The following TEX2 variants were observed in gnomAD, a reference collection of about 807,000 sequenced individuals.
The protein encoded by TEX2 is testis-expressed protein 2.
In TEX2, 53 loss-of-function variants were observed where a neutral mutation model predicts 106.9. The observed-to-expected ratio is 0.50, with a 90% CI of 0.40 to 0.62. The LOEUF (loss-of-function observed/expected upper bound fraction) is 0.62, where lower values mean the gene tolerates loss of function less well. Ranked by LOEUF, TEX2 falls within the 20% of genes least tolerant of loss-of-function variation. The pLI, the probability that TEX2 is intolerant of heterozygous loss-of-function variation, is 0.00. For synonymous variants in TEX2, 523 were observed against 534.8 expected (o/e 0.98, Z 0.30); for missense variants, 1,207 against 1,379.0 (o/e 0.88, Z 1.98).
At chr17:64,151,975 A>G (rs1484656569) in intron 10 of TEX2, among the ~76,000 whole-genome samples, 1 of 152,140 alleles carries the variant, frequency 6.6e-6, no homozygotes, top group African/African-American at 2.4e-5. Flanking sequence ...TATTACTTTA[A>G]AAAAGTATAA....
intron 1 of TEX2, among the ~76,000 whole-genome samples, chr17:64,220,318 G>A (rs1302185597): frequency 2.6e-5 from 4 of 152,110 alleles, no homozygotes; most frequent in Non-Finnish European, 4.4e-5. Flanking sequence ...TGATGAAAAC[G>A]TCAAAAGCAA....
chr17:64,159,645 G>C (rs2030794365), intron 8 of TEX2, among the ~76,000 whole-genome samples: 1 of 152,166 alleles, frequency 6.6e-6, no homozygotes. Flanking sequence ...ACAAGACTCA[G>C]AAGTTACAGG....
At chr17:64,233,450 G>A (rs1297788919) in intron 1 of TEX2, among the ~76,000 whole-genome samples, 2 of 152,184 alleles carry the variant, frequency 1.3e-5, no homozygotes, top group Admixed American at 1.3e-4. Context: ...GCAGGCGCCT[G>A]TAATCCCAGC....
At chr17:64,171,053 G>T in intron 7 of TEX2, 47 bp downstream of exon 7, 1 of 1,475,190 alleles carries the variant, frequency 6.8e-7, no homozygotes, top group Non-Finnish European at 9.5e-7. Context: ...TGAATCTGCA[G>T]CAAAGGATAT....
At chr17:64,235,267 C>T (rs896276281) in intron 1 of TEX2, among the ~76,000 whole-genome samples, 4 of 152,228 alleles carry the variant, frequency 2.6e-5, no homozygotes, top group Admixed American at 6.5e-5. Context: ...TACTAACTAG[C>T]AGAGCTAGGA....
Position 64,213,416 on chromosome 17 carries a change from G to A in TEX2, c.802C>T (p.Leu268=), listed in dbSNP as rs782795146. The A allele has an allele frequency of 6.2e-7, 1 of 1,614,138 alleles. No individual in the cohort carries two copies. Among genetic ancestry groups the A allele is most frequent in the South Asian group, 1.1e-5 (1 of 91,080 alleles). ...GAACGAGTATCAGAGGGAGAAGTCA[G>A]TGGGGAAGAAGGTGCAGTTTTGGAA... The part of the protein sequence containing the change: ...GDSKTAPSSP[L]TSPSDTRSFF... Residue 268 remains leucine, a synonymous_variant, in exon 2 of 12, where the codon CTG becomes TTG. Transcript: ENST00000584379. This position sits in a 1 kb window ranked among gnomAD's most constrained non-coding sequence, Gnocchi z 4.4.
At position 64,148,832 on chromosome 17, in the gene TEX2, G is replaced by C. The variant is rs769933768; in HGVS notation, c.*137C>G. 312 of 1,070,350 alleles carry C rather than the reference G, an allele frequency of 2.9e-4. No homozygotes were observed. The highest frequency in any genetic ancestry group is 3.9e-4 in the Admixed American group (15 of 38,902). 66.3% of individuals were successfully genotyped at this position (1,070,350 alleles called of 1,614,324 possible). Reference sequence around the variant, plus strand: ...GACACCTCACAGTGGAATGGGCACTGGCAGGCAGAGGGCAGAAGCAGTCCT... The same window carrying C: ...GACACCTCACAGTGGAATGGGCACTCGCAGGCAGAGGGCAGAAGCAGTCCT... On this transcript the variant is annotated 3_prime_UTR_variant, in exon 12 of 12. Coordinates refer to ENST00000584379, the MANE Select transcript of TEX2 (RefSeq NM_001288732.2).
chr17:64,210,768 C>T (rs963782450), intron 2 of TEX2, among the ~76,000 whole-genome samples: 7 of 149,572 alleles, frequency 4.7e-5, no homozygotes, highest in African/African-American at 1.7e-4. Flanking sequence ...ATTTGAAAAG[C>T]TAAAGATTAA....
Position 64,195,946 on chromosome 17 carries a change from C to G in TEX2, c.1645-851G>C, listed in dbSNP as rs149250752. 1.4e-4 allele frequency among the ~76,000 whole-genome samples: 21 copies of G among 152,344 alleles called. No individual in the cohort carries two copies. Among genetic ancestry groups the G allele is most frequent in the African/African-American group, 4.8e-4 (20 of 41,580 alleles). ...GCCCAGATCTCACAAAAGAAGTCCT[C>G]TGGGGAGTTTTAATTGATATCTTCC... is the stretch of plus-strand genomic sequence containing the variant. On this transcript the variant is annotated intron_variant, in intron 2 of 11. Transcript: ENST00000584379. This position sits in a 1 kb window ranked among gnomAD's most constrained non-coding sequence, Gnocchi z 4.1.
chr17:64,163,109 A>G (rs1236502956), intron 7 of TEX2, among the ~76,000 whole-genome samples: 1 of 152,062 alleles, frequency 6.6e-6, no homozygotes, highest in African/African-American at 2.4e-5. Context: ...AATATGAAAG[A>G]GTCAAGAATG....
At chr17:64,178,546 T>C (rs2031705704) in intron 5 of TEX2, among the ~76,000 whole-genome samples, 1 of 152,124 alleles carries the variant, frequency 6.6e-6, no homozygotes, top group Non-Finnish European at 1.5e-5. Context: ...ATCTGCTCTG[T>C]CCTGTGTGTG....
rs782152894 is a variant in TEX2, at chr17:64,212,911, A to G, written c.1307T>C (p.Val436Ala). 9 of 1,614,090 alleles carry G rather than the reference A, an allele frequency of 5.6e-6. No homozygotes were observed. The African/African-American group carries it at 1.2e-4, about 22-fold the overall frequency. Residue 436 changes from valine to alanine, a missense_variant, in exon 2 of 12, where the codon GTT becomes GCT. By Grantham distance (64) the Val-to-Ala change is moderately conservative. Coordinates refer to ENST00000584379, the MANE Select transcript of TEX2 (RefSeq NM_001288732.2). The part of the protein sequence containing the change: ...FDLETEGESK[V>A]DKLSDIPLKP... ...GAGAGGAATATCTGAGAGCTTATCA[A>G]CTTTACTCTCCCCCTCCGTTTCCAA...
At chr17:64,249,908 A>G (rs1381195864) in intron 1 of TEX2, among the ~76,000 whole-genome samples, 1 of 152,164 alleles carries the variant, frequency 6.6e-6, no homozygotes, top group African/African-American at 2.4e-5. Context: ...TTCCTGCTTC[A>G]CTATTAACCT....
At chr17:64,246,473 A>G (rs2033990416) in intron 1 of TEX2, among the ~76,000 whole-genome samples, 1 of 152,056 alleles carries the variant, frequency 6.6e-6, no homozygotes, top group Non-Finnish European at 1.5e-5. Flanking sequence ...TATCAAACTC[A>G]TGACCTCGTG....
chr17:64,214,116 G>A lies in TEX2; in HGVS notation c.102C>T (p.Ile34=), dbSNP rs1208702742. 5.0e-6 allele frequency: 8 copies of A among 1,614,138 alleles called. No individual in the cohort carries two copies. The highest frequency in any genetic ancestry group is 1.1e-5 in the South Asian group (1 of 91,076). The change falls in exon 2 of 12, where the codon ATC becomes ATT. Residue 34 remains isoleucine, a synonymous_variant. Coordinates refer to ENST00000584379, the MANE Select transcript of TEX2 (RefSeq NM_001288732.2). ...HVQRSVSRDT[I]AIHFSASGEE... ...CGCCGGATGCCGAGAAGTGAATGGCGATGGTATCTCGGGACACGGACCTCT... is the reference window on the plus strand; with the variant it reads ...CGCCGGATGCCGAGAAGTGAATGGCAATGGTATCTCGGGACACGGACCTCT...
chr17:64,170,962 TAAG>T (rs2031365336), intron 7 of TEX2, 135 bp downstream of exon 7: 2 of 699,704 alleles, frequency 2.9e-6, no homozygotes, highest in African/African-American at 3.6e-5. Context: ...CCATGACTGG[TAAG>T]AACAGAAAGA....
At position 64,155,516 on chromosome 17, in the gene TEX2, G is replaced by A. The variant is rs146833907; in HGVS notation, c.2805-549C>T. 5.5e-3 allele frequency: 830 copies of A among 152,074 alleles called. 11 individuals carry two copies. Among genetic ancestry groups the A allele is most frequent in the African/African-American group, 0.019 (788 of 41,440 alleles). The allele number at this position is 152,074 out of a possible 1,614,324, so 9.4% of individuals were successfully genotyped here. On this transcript the variant is annotated intron_variant, in intron 8 of 11. Coordinates refer to ENST00000584379, the MANE Select transcript of TEX2 (RefSeq NM_001288732.2). ...CATGACTCCTTTCCAGTGAAATTACGTATTTCACTCCACACCTGCCCTATC... is the reference window on the plus strand; with the variant it reads ...CATGACTCCTTTCCAGTGAAATTACATATTTCACTCCACACCTGCCCTATC...
intron 1 of TEX2, among the ~76,000 whole-genome samples, chr17:64,235,770 T>C (rs1555635068): frequency 1.3e-5 from 2 of 152,182 alleles, no homozygotes; most frequent in African/African-American, 2.4e-5. Context: ...TATACATAAG[T>C]AAATGTTCTA....
chr17:64,229,744 T>C (rs753536078), intron 1 of TEX2, among the ~76,000 whole-genome samples: 4 of 152,222 alleles, frequency 2.6e-5, no homozygotes, highest in Admixed American at 2.0e-4. Context: ...CTGACTGATA[T>C]GGACAATCAT....
Sources: allele counts gnomAD v4.1 joint callset (sites outside exome capture counted in the v4.1 genomes callset), GRCh38; gene constraint gnomAD v4.1.1; non-coding constraint Gnocchi (gnomAD v3.1); transcripts MANE v1.5; gene names NCBI Gene and HGNC (gene_info 2026-07-23, HGNC 2026-07-21).